Variants in ABCC1 observed in about 807,000 individuals in gnomAD.
The protein encoded by ABCC1 is ATP binding cassette subfamily C member 1 (ABCC1 blood group), also known as multidrug resistance-associated protein 1.
In ABCC1, 83 loss-of-function variants were observed where a neutral mutation model predicts 172.9. The observed-to-expected ratio is 0.48, with a 90% CI of 0.40 to 0.58. ABCC1 has a LOEUF of 0.58. ABCC1 is among the 20% of genes least tolerant of loss of function. ABCC1 has a pLI of 0.00. For missense variants in ABCC1, 1,817 were observed against 2,002.7 expected (o/e 0.91, Z 1.77); for synonymous variants, 937 against 825.2 (o/e 1.14, Z -2.32).
intron 1 of ABCC1, among the ~76,000 whole-genome samples, chr16:15,975,935 G>A (rs1408910931): frequency 6.6e-6 from 1 of 152,058 alleles, no homozygotes; most frequent in African/African-American, 2.4e-5. Context: ...GTCTTGCTTT[G>A]GGGGGAAATG....
At chr16:15,979,292 A>C (rs1430254757) in intron 1 of ABCC1, among the ~76,000 whole-genome samples, 2 of 144,618 alleles carry the variant, frequency 1.4e-5, no homozygotes, top group African/African-American at 5.0e-5. Flanking sequence ...TCTGTCTCAA[A>C]CAAACAAACA....
At chr16:16,018,731 A>G (rs2048090907) in intron 5 of ABCC1, among the ~76,000 whole-genome samples, 3 of 151,476 alleles carry the variant, frequency 2.0e-5, no homozygotes, top group African/African-American at 4.9e-5. Flanking sequence ...AGTCATAGGC[A>G]TGTATATGCG....
chr16:16,056,389 G>A (rs760045038), intron 12 of ABCC1, 94 bp downstream of exon 12: 211 of 1,395,418 alleles, frequency 1.5e-4, no homozygotes, highest in Non-Finnish European at 1.9e-4. Flanking sequence ...ATGTTGCCCA[G>A]GTGCAGTGGC....
At chr16:16,003,334 A>G (rs56842575) in intron 1 of ABCC1, among the ~76,000 whole-genome samples, 535 of 11,852 alleles carry the variant, frequency 0.045, 3 homozygotes, top group East Asian at 0.16. Context: ...GGGTGGATGG[A>G]TGAATTGGTG....
At chr16:16,092,737 C>T (rs1304310672) in intron 19 of ABCC1, among the ~76,000 whole-genome samples, 2 of 152,204 alleles carry the variant, frequency 1.3e-5, no homozygotes, top group African/African-American at 4.8e-5. Context: ...TGCCTGTAAT[C>T]CCACCACTTT....
exon 1 of ABCC1, chr16:15,949,611 GCGCCGC>G (rs554094723): frequency 5.0e-3 from 816 of 163,582 alleles, 28 homozygotes; most frequent in Middle Eastern, 0.013. Flanking sequence ...CCGGCTCCCT[GCGCCGC>G]CGCCGCCGCC....
At chr16:16,095,668 C>G (rs1007196465) in intron 19 of ABCC1, among the ~76,000 whole-genome samples, 2 of 152,086 alleles carry the variant, frequency 1.3e-5, no homozygotes, top group African/African-American at 4.8e-5. Context: ...CCATTTTTCT[C>G]TTTTAAAAAA....
chr16:16,110,103 C>CT (rs145470101), intron 21 of ABCC1, among the ~76,000 whole-genome samples: 46,012 of 143,680 alleles, frequency 0.32, 7,567 homozygotes, highest in African/African-American at 0.39. Flanking sequence ...GGTTTAACTC[C>CT]TTTTTTTTTT....
chr16:16,022,354 G>A (rs1426422947), intron 5 of ABCC1, among the ~76,000 whole-genome samples: 3 of 152,146 alleles, frequency 2.0e-5, no homozygotes, highest in African/African-American at 7.2e-5. Context: ...GGGAGCCTGG[G>A]CAGGGCTGAC....
In ABCC1 at chr16:16,142,445, A is replaced by G. The variant is rs2046159021; in HGVS notation, c.*1164A>G. The G allele has an allele frequency of 6.6e-6, 1 of 152,236 alleles. No individual in the cohort carries two copies. The highest frequency in any genetic ancestry group is 1.5e-5 in the Non-Finnish European group (1 of 68,044). The allele number at this position is 152,236 out of a possible 1,614,324, so 9.4% of individuals were successfully genotyped here. A position where few individuals can be genotyped will look rare whatever the true frequency, so the allele number is the denominator to read the frequency against. On this transcript the variant is annotated 3_prime_UTR_variant, in exon 31 of 31. Coordinates refer to ENST00000399410, the MANE Select transcript of ABCC1 (RefSeq NM_004996.4). ...CCAAGTATTACCAGTGGGTACCAAA[A>G]AAATGTCCCCTTGAGTCTTTTCCTT...
chr16:15,989,174 C>T (rs2046806070), intron 1 of ABCC1, among the ~76,000 whole-genome samples: 1 of 151,868 alleles, frequency 6.6e-6, no homozygotes, highest in South Asian at 2.1e-4. Flanking sequence ...GCAAGGATGG[C>T]CGTGCCCCTG....
chr16:15,999,836 C>CTCTCTCTTTCTTTCTTTCTTTCTT lies in ABCC1; in HGVS notation c.49-7977_49-7976insCTCTTTCTTTCTTTCTTTCTTTCT, dbSNP rs2047218021. 3.6e-4 allele frequency among the ~76,000 whole-genome samples: 6 copies of CTCTCTCTTTCTTTCTTTCTTTCTT among 16,852 alleles called. No individual in the cohort carries two copies. In the East Asian group the frequency reaches 5.7e-3, roughly 16 times the overall value. 11.1% of individuals were successfully genotyped at this position (16,852 alleles called of 152,430 possible). Reference sequence around the variant, plus strand: ...TCTCTCTCTCTCTCTCTCTCTCTGTCTCTTTCTTTCTTTCTTTCTTTCTTT... The same window carrying CTCTCTCTTTCTTTCTTTCTTTCTT: ...TCTCTCTCTCTCTCTCTCTCTCTGTCTCTCTCTTTCTTTCTTTCTTTCTTTCTTTCTTTCTTTCTTTCTTTCTTT... On this transcript the variant is annotated intron_variant, in intron 1 of 30. Transcript: ENST00000399410.
intron 1 of ABCC1, among the ~76,000 whole-genome samples, chr16:15,957,898 T>C (rs1472756664): frequency 6.6e-6 from 1 of 151,860 alleles, no homozygotes. Flanking sequence ...CGCCCTACAA[T>C]GTTTATTCAT....
intron 7 of ABCC1, among the ~76,000 whole-genome samples, chr16:16,042,963 G>T (rs966933758): frequency 4.0e-5 from 6 of 151,768 alleles, no homozygotes; most frequent in African/African-American, 1.2e-4. Flanking sequence ...CTGAGTTCAA[G>T]CGATTCTCCT....
chr16:16,096,904 C>T (rs2051504913), intron 19 of ABCC1, among the ~76,000 whole-genome samples: 2 of 90,778 alleles, frequency 2.2e-5, no homozygotes, highest in Non-Finnish European at 2.2e-5. Flanking sequence ...TTACAAGTTT[C>T]GTGTGTTTGC....
chr16:16,116,043 C>T (rs971971277), intron 23 of ABCC1, among the ~76,000 whole-genome samples: 8 of 151,686 alleles, frequency 5.3e-5, no homozygotes, highest in Non-Finnish European at 1.2e-4. Flanking sequence ...GCTGGGACTA[C>T]AGGCGCCCGC....
intron 26 of ABCC1, among the ~76,000 whole-genome samples, chr16:16,130,533 G>C (rs1385465263): frequency 6.6e-6 from 1 of 152,074 alleles, no homozygotes; most frequent in Non-Finnish European, 1.5e-5. Flanking sequence ...TAAACTCTCT[G>C]TATTGCGCTC....
chr16:16,014,459 C>T (rs774712527), intron 3 of ABCC1, 32 bp from the exon 4 acceptor site: 5 of 1,604,648 alleles, frequency 3.1e-6, no homozygotes, highest in Non-Finnish European at 4.3e-6. Flanking sequence ...AAAAAAAACC[C>T]AACAACTCCT....
At chr16:15,967,761 A>AC (rs1267603720) in intron 1 of ABCC1, among the ~76,000 whole-genome samples, 1 of 125,020 alleles carries the variant, frequency 8.0e-6, no homozygotes, top group Non-Finnish European at 1.6e-5. Flanking sequence ...CTGTCTCCAA[A>AC]AAAAAAAAAA....
Sources: gnomAD v4.1 joint callset for allele counts (sites outside exome capture counted in the v4.1 genomes callset) on GRCh38, gnomAD v4.1.1 for gene constraint, MANE v1.5 for transcripts, NCBI Gene and HGNC (gene_info 2026-07-23, HGNC 2026-07-21) for gene names.